CPLX4: variants seen among roughly 807,000 people sequenced by gnomAD.
CPLX4 encodes complexin 4.
In CPLX4, 17 loss-of-function variants were observed where a neutral mutation model predicts 16.1. That is an observed-to-expected ratio of 1.06 (90% CI 0.72 to 1.59). CPLX4 has a LOEUF of 1.59. CPLX4 is among the 40% of genes most tolerant of loss of function. CPLX4 has a pLI of 0.00. For synonymous variants in CPLX4, 55 were observed against 57.8 expected, an observed-to-expected ratio of 0.95 and a Z score of 0.22; for missense variants, 193 against 192.9, an observed-to-expected ratio of 1.00 and a Z score of 0.00.
chr18:59,313,266 G>A (rs907534963), intron 1 of CPLX4, among the ~76,000 whole-genome samples: 6 of 152,150 alleles, frequency 3.9e-5, no homozygotes, highest in African/African-American at 1.4e-4. Flanking sequence ...TTTGAAGACC[G>A]TTGTTGTTGG....
intron 2 of CPLX4, among the ~76,000 whole-genome samples, chr18:59,304,567 C>CATTTT (rs372271363): frequency 5.3e-5 from 8 of 151,846 alleles, no homozygotes; most frequent in African/African-American, 4.8e-5. Context: ...GTTCTTTGGG[C>CATTTT]ATTTTATTTT....
At chr18:59,309,189 G>A (rs2070598922) in intron 2 of CPLX4, among the ~76,000 whole-genome samples, 1 of 152,206 alleles carries the variant, frequency 6.6e-6, no homozygotes, top group Non-Finnish European at 1.5e-5. Flanking sequence ...ACAAAAAGCA[G>A]GCAATTGTAT....
chr18:59,308,048 G>A (rs1022081745), intron 2 of CPLX4, among the ~76,000 whole-genome samples: 1 of 151,970 alleles, frequency 6.6e-6, no homozygotes, highest in South Asian at 2.1e-4. Context: ...AATGTGCTGG[G>A]ATTACAGGCG....
chr18:59,314,196 G>C (rs1045549281), intron 1 of CPLX4, among the ~76,000 whole-genome samples: 1 of 152,228 alleles, frequency 6.6e-6, no homozygotes, highest in Non-Finnish European at 1.5e-5. Flanking sequence ...ATCGAATAAA[G>C]TGACCTGTCC....
At chr18:59,299,451 G>A (rs538535004) in intron 2 of CPLX4, among the ~76,000 whole-genome samples, 3 of 152,326 alleles carry the variant, frequency 2.0e-5, no homozygotes, top group Admixed American at 1.3e-4. Flanking sequence ...GGCTTGCAGG[G>A]ATGGGCAGCT....
chr18:59,297,480 A>G (rs912262210), intron 2 of CPLX4, among the ~76,000 whole-genome samples: 6 of 152,026 alleles, frequency 3.9e-5, no homozygotes, highest in Non-Finnish European at 8.8e-5. Flanking sequence ...GGGTTTCACC[A>G]TGTTGGCCAG....
intron 2 of CPLX4, among the ~76,000 whole-genome samples, chr18:59,309,053 A>T (rs1438390574): frequency 6.6e-6 from 1 of 152,220 alleles, no homozygotes; most frequent in Non-Finnish European, 1.5e-5. Context: ...TTTAAATTTT[A>T]GTTTTTAAAC....
chr18:59,304,035 T>A (rs2070559097), intron 2 of CPLX4, among the ~76,000 whole-genome samples: 1 of 152,196 alleles, frequency 6.6e-6, no homozygotes, highest in Non-Finnish European at 1.5e-5. Context: ...CACAATCATC[T>A]TTGTTATTTT....
chr18:59,296,469 C>CCAGTTTAT lies in CPLX4; in HGVS notation c.*221_*228dup. ...CATCATCATTTACAACTGAAATTTT[C>CCAGTTTAT]CAGTTTATCTCATTTATAACTAAAA... On this transcript the variant is annotated 3_prime_UTR_variant, in exon 3 of 3. Coordinates refer to ENST00000299721, the MANE Select transcript of CPLX4 (RefSeq NM_181654.4). 1.8e-6 allele frequency: 1 copy of CCAGTTTAT among 563,732 alleles called. No homozygotes were observed. Among genetic ancestry groups the CCAGTTTAT allele is most frequent in the Non-Finnish European group, 3.1e-6 (1 of 322,968 alleles). 34.9% of individuals were successfully genotyped at this position (563,732 alleles called of 1,614,324 possible).
At chr18:59,302,091 A>G (rs1443804502) in intron 2 of CPLX4, among the ~76,000 whole-genome samples, 1 of 152,220 alleles carries the variant, frequency 6.6e-6, no homozygotes, top group Non-Finnish European at 1.5e-5. Context: ...GATCCGGGAC[A>G]CAGCAAGCAA....
At chr18:59,297,009 A>G in intron 2 of CPLX4, 84 bp from the exon 3 acceptor site, 1 of 1,506,854 alleles carries the variant, frequency 6.6e-7, no homozygotes, top group South Asian at 1.3e-5. Context: ...CAGCAGGAAA[A>G]GGTCTTTAGA....
chr18:59,305,204 A>G (rs2070568300), intron 2 of CPLX4, among the ~76,000 whole-genome samples: 1 of 152,092 alleles, frequency 6.6e-6, no homozygotes, highest in Non-Finnish European at 1.5e-5. Context: ...GTCTTACAGA[A>G]AGCAAAGGCC....
chr18:59,312,057 C>T (rs1217370121), intron 2 of CPLX4, among the ~76,000 whole-genome samples: 12 of 152,044 alleles, frequency 7.9e-5, no homozygotes, highest in Non-Finnish European at 1.5e-5. Context: ...CAGGAGGGTA[C>T]CTACTTTCTT....
At chr18:59,305,590 G>T (rs954397871) in intron 2 of CPLX4, among the ~76,000 whole-genome samples, 1 of 152,262 alleles carries the variant, frequency 6.6e-6, no homozygotes, top group Middle Eastern at 3.4e-3. Context: ...TGTCGGGAGA[G>T]CCACCCATGG....
intron 1 of CPLX4, among the ~76,000 whole-genome samples, chr18:59,317,744 T>G (rs997855482): frequency 1.3e-5 from 2 of 152,098 alleles, no homozygotes; most frequent in African/African-American, 4.8e-5. Context: ...ATTTCCATAT[T>G]AAACAGTCCA....
intron 2 of CPLX4, among the ~76,000 whole-genome samples, chr18:59,304,923 CAGTGTGTGTGTG>C (rs1225095266): frequency 6.2e-5 from 6 of 96,252 alleles, no homozygotes; most frequent in African/African-American, 2.8e-4. Context: ...ACTCAACAAT[CAGTGTGTGTGTG>C]TGTGTGTGTG....
intron 2 of CPLX4, among the ~76,000 whole-genome samples, chr18:59,310,947 CGTGT>C (rs56041362): frequency 0.26 from 36,857 of 143,258 alleles, 4,711 homozygotes; most frequent in Middle Eastern, 0.37. Flanking sequence ...CCCAGCCAAT[CGTGT>C]GTGTGTGTGT....
chr18:59,310,851 A>G (rs543287773), intron 2 of CPLX4, among the ~76,000 whole-genome samples: 41 of 152,168 alleles, frequency 2.7e-4, no homozygotes, highest in Non-Finnish European at 4.7e-4. Context: ...CTACAACGGA[A>G]CCCCAATTCT....
chr18:59,316,276 T>C (rs770692107), intron 1 of CPLX4, among the ~76,000 whole-genome samples: 3 of 127,520 alleles, frequency 2.4e-5, no homozygotes, highest in Non-Finnish European at 5.1e-5. Flanking sequence ...CACACACACA[T>C]TGAACACAGA....
Sources: allele counts gnomAD v4.1 joint callset (sites outside exome capture counted in the v4.1 genomes callset), GRCh38; gene constraint gnomAD v4.1.1; transcripts MANE v1.5; gene names NCBI Gene and HGNC (gene_info 2026-07-23, HGNC 2026-07-21).